The following MYLK3 variants were observed in gnomAD, a reference collection of about 807,000 sequenced individuals.
The protein encoded by MYLK3 is MLC kinase.
A neutral mutation model predicts 76.3 loss-of-function variants in MYLK3; 55 were observed. The ratio of observed to expected loss-of-function variants is 0.72; its 90% CI spans 0.58 to 0.90. The LOEUF (loss-of-function observed/expected upper bound fraction) is 0.90. Among genes scored for constraint, MYLK3 ranks in the 40% least tolerant of loss-of-function variants. The probability of loss-of-function intolerance (pLI) is 0.00; values close to 1 mark genes in which losing one functional copy is unlikely to be tolerated. For missense variants in MYLK3, 973 were observed against 1,053.6 expected (o/e 0.92, Z 1.06); for synonymous variants, 416 against 425.4 (o/e 0.98, Z 0.27).
intron 1 of MYLK3, among the ~76,000 whole-genome samples, chr16:46,742,447 AACACACACACAC>A (rs57671045): frequency 0.082 from 10,708 of 131,224 alleles, 504 homozygotes; most frequent in Non-Finnish European, 0.11. Context: ...TCCCAGCAAA[AACACACACACAC>A]ACACACACAC....
chr16:46,730,639 A>C lies in MYLK3; in HGVS notation c.1522T>G (p.Ser508Ala). The change falls in exon 5 of 13, where the codon TCC (serine) becomes GCC (alanine). Residue 508 changes from serine to alanine, a missense_variant. Coordinates refer to ENST00000394809, the MANE Select transcript of MYLK3 (RefSeq NM_182493.3). Reference sequence around the variant, plus strand: ...CACACCTCGTAACCCGCAGAGATGGAGGTCTCCTTGACGCTCACTACCCGG... The same window carrying C: ...CACACCTCGTAACCCGCAGAGATGGCGGTCTCCTTGACGCTCACTACCCGG... ...EHRVVSVKET[S>A]ISAGYEVCQH... is the part of the protein sequence containing the mutation. 1 of 1,613,982 alleles carries C rather than the reference A, an allele frequency of 6.2e-7. No homozygotes were observed. Among genetic ancestry groups the C allele is most frequent in the South Asian group, 1.1e-5 (1 of 91,074 alleles).
At chr16:46,729,529 G>C in intron 6 of MYLK3, 65 bp downstream of exon 6, 2 of 1,401,846 alleles carry the variant, frequency 1.4e-6, no homozygotes, top group Non-Finnish European at 1.0e-6. Context: ...GAGCCTGGGG[G>C]CCCTGAGGGA....
At chr16:46,714,571 G>A (rs1028984857) in intron 9 of MYLK3, among the ~76,000 whole-genome samples, 1 of 152,316 alleles carries the variant, frequency 6.6e-6, no homozygotes, top group South Asian at 2.1e-4. Flanking sequence ...CCAACTAAGG[G>A]AAGAGCCTTC....
At chr16:46,747,566 C>A in intron 1 of MYLK3, 151 bp downstream of exon 1, 1 of 783,970 alleles carries the variant, frequency 1.3e-6, no homozygotes, top group Non-Finnish European at 2.1e-6. Flanking sequence ...CCACCTATGA[C>A]CTGTAAGTTT....
At position 46,740,154 on chromosome 16, in the gene MYLK3, T is replaced by C; in HGVS notation, c.478-7A>G. The C allele has an allele frequency of 6.2e-7, 1 of 1,611,614 alleles. No individual in the cohort carries two copies. Among genetic ancestry groups the C allele is most frequent in the Non-Finnish European group, 8.5e-7 (1 of 1,177,930 alleles). ...CTTCCACTCGCTCTTTATTCTAAAA[T>C]AACAACCATAAAAAATGTCATCATT... On this transcript the variant is annotated splice_region_variant and splice_polypyrimidine_tract_variant and intron_variant, in intron 1 of 12. Coordinates refer to ENST00000394809, the MANE Select transcript of MYLK3 (RefSeq NM_182493.3).
intron 10 of MYLK3, 129 bp from the exon 11 acceptor site, chr16:46,710,918 T>C: frequency 1.0e-6 from 1 of 985,052 alleles, no homozygotes; most frequent in East Asian, 2.4e-5. Context: ...TAAAAGCACC[T>C]CCACTACTTC....
At chr16:46,717,689 A>C (rs1018474381) in intron 9 of MYLK3, among the ~76,000 whole-genome samples, 2 of 151,992 alleles carry the variant, frequency 1.3e-5, no homozygotes, top group Non-Finnish European at 2.9e-5. Context: ...ACCTTCAGTG[A>C]TATCATCTTG....
At chr16:46,740,551 A>ATATATAT (rs1330740991) in intron 1 of MYLK3, among the ~76,000 whole-genome samples, 11 of 128,364 alleles carry the variant, frequency 8.6e-5, no homozygotes, top group East Asian at 2.1e-4. Flanking sequence ...ATATATATAT[A>ATATATAT]TTTTTTTTTT....
chr16:46,707,584 T>C lies in MYLK3; in HGVS notation c.*120A>G. On this transcript the variant is annotated 3_prime_UTR_variant, in exon 13 of 13. Coordinates refer to ENST00000394809, the MANE Select transcript of MYLK3 (RefSeq NM_182493.3). ...GGAAGGCAGCAGCCATAACCATTTT[T>C]ACAAAATAAGTGGAATCAATAATAC... The C allele has an allele frequency of 1.6e-6, 1 of 642,980 alleles. No homozygotes were observed. The allele number at this position is 642,980 out of a possible 1,614,324, so 39.8% of individuals were successfully genotyped here. A position where few individuals can be genotyped will look rare whatever the true frequency, so the allele number is the denominator to read the frequency against.
chr16:46,748,925 G>A (rs534167928), upstream of MYLK3, among the ~76,000 whole-genome samples: 1 of 152,316 alleles, frequency 6.6e-6, no homozygotes, highest in African/African-American at 2.4e-5. The surrounding 1 kb of genome is among the most constrained non-coding windows in gnomAD (Gnocchi z 4.3). Flanking sequence ...AATGGCCCTG[G>A]CCACCTGCCA....
intron 1 of MYLK3, among the ~76,000 whole-genome samples, chr16:46,741,702 C>A (rs1307788881): frequency 6.6e-6 from 1 of 152,188 alleles, no homozygotes; most frequent in Non-Finnish European, 1.5e-5. Flanking sequence ...CCCTGCCTTG[C>A]CACAGAAGCC....
intron 10 of MYLK3, chr16:46,711,863 G>A (rs1966687297): frequency 5.8e-6 from 1 of 172,940 alleles, no homozygotes; most frequent in Non-Finnish European, 1.3e-5. Context: ...GATGCATTCT[G>A]GAGTTCCCCA....
chr16:46,737,629 GT>G (rs1966875268), intron 3 of MYLK3, 81 bp downstream of exon 3: 19 of 1,353,992 alleles, frequency 1.4e-5, no homozygotes, highest in Non-Finnish European at 1.9e-5. Context: ...CATGTATGCA[GT>G]GGATGCTGCC....
At chr16:46,721,297 A>C in intron 8 of MYLK3, 104 bp from the exon 9 acceptor site, 1 of 1,036,884 alleles carries the variant, frequency 9.6e-7, no homozygotes, top group Non-Finnish European at 1.5e-6. Flanking sequence ...AGGGACATGA[A>C]TGGCTCAGGG....
chr16:46,721,907 G>GAAAAAT (rs1293066373), intron 8 of MYLK3, among the ~76,000 whole-genome samples: 1 of 152,142 alleles, frequency 6.6e-6, no homozygotes, highest in African/African-American at 2.4e-5. Context: ...AAAAGAAAAA[G>GAAAAAT]TCCCAGTGCC....
chr16:46,729,006 C>T lies in MYLK3; in HGVS notation c.1772+18G>A. 6.3e-7 allele frequency: 1 copy of T among 1,593,884 alleles called. No homozygotes were observed. The highest frequency in any genetic ancestry group is 1.3e-5 in the African/African-American group (1 of 74,650). On this transcript the variant is annotated intron_variant, in intron 7 of 12. Transcript: ENST00000394809. ...CCCTGGCTTGAGCCGAGGCGGCCGCCCCGCCTCTGATACTCACTACTCCAT... is the reference window on the plus strand; with the variant it reads ...CCCTGGCTTGAGCCGAGGCGGCCGCTCCGCCTCTGATACTCACTACTCCAT...
chr16:46,721,313 C>T, intron 8 of MYLK3, 120 bp from the exon 9 acceptor site: 1 of 799,180 alleles, frequency 1.3e-6, no homozygotes, highest in Non-Finnish European at 2.1e-6. Flanking sequence ...CAGGGCAGCC[C>T]TGCAAGGGCT....
intron 1 of MYLK3, chr16:46,762,960 G>A (rs777385604): frequency 5.6e-5 from 54 of 965,850 alleles, no homozygotes; most frequent in Non-Finnish European, 6.3e-5. Flanking sequence ...GTGTTTTCTG[G>A]TGGGTCTACA....
In MYLK3 at chr16:46,735,003, T is replaced by C. The variant is rs148319109; in HGVS notation, c.1002-2335A>G. 7.9e-3 allele frequency among the ~76,000 whole-genome samples: 1,202 copies of C among 151,736 alleles called. 18 individuals are homozygous for C. The highest frequency in any genetic ancestry group is 0.028 in the African/African-American group (1,139 of 41,380). On this transcript the variant is annotated intron_variant, in intron 3 of 12. Coordinates refer to ENST00000394809, the MANE Select transcript of MYLK3 (RefSeq NM_182493.3). ...AAAAACATAAAAAATTAACCAGGCATGGTGGCACATGCTTGTAATCCCAGC... is the reference window on the plus strand; with the variant it reads ...AAAAACATAAAAAATTAACCAGGCACGGTGGCACATGCTTGTAATCCCAGC...
Sources: gnomAD v4.1 joint callset for allele counts (sites outside exome capture counted in the v4.1 genomes callset) on GRCh38, gnomAD v4.1.1 for gene constraint, Gnocchi (gnomAD v3.1) non-coding constraint, MANE v1.5 for transcripts, NCBI Gene and HGNC (gene_info 2026-07-23, HGNC 2026-07-21) for gene names.